Variants in GPC5 observed in about 807,000 individuals in gnomAD.
GPC5 encodes the protein glypican-5.
GPC5 carries 47 observed loss-of-function variants against 53.9 expected under a neutral mutation model. The ratio of observed to expected loss-of-function variants is 0.87; its 90% CI spans 0.69 to 1.11. The LOEUF (loss-of-function observed/expected upper bound fraction) is 1.11. Among genes scored for constraint, GPC5 ranks in the 50% most tolerant of loss-of-function variants. The pLI is 0.00. For synonymous variants in GPC5, 286 were observed against 263.3 expected (o/e 1.09, Z -0.84); for missense variants, 748 against 713.1 (o/e 1.05, Z -0.56).
In GPC5 at chr13:91,622,067, A is replaced by G. The variant is rs576011762; in HGVS notation, c.326-71120A>G. Among the ~76,000 whole-genome samples, 4 of 152,122 alleles carry G rather than the reference A, an allele frequency of 2.6e-5. No homozygotes were observed. In the South Asian group the frequency reaches 8.3e-4, roughly 32 times the overall value. On this transcript the variant is annotated intron_variant, in intron 2 of 7. Coordinates refer to ENST00000377067, the MANE Select transcript of GPC5 (RefSeq NM_004466.6). ...AAAGATGAAGGCTGGAAGGCTCAGCAAGTCTGCCCTTCCATCTTCTCTTGC... is the reference window on the plus strand; with the variant it reads ...AAAGATGAAGGCTGGAAGGCTCAGCGAGTCTGCCCTTCCATCTTCTCTTGC...
intron 6 of GPC5, among the ~76,000 whole-genome samples, chr13:92,140,830 A>G (rs950872803): frequency 1.3e-5 from 2 of 152,188 alleles, no homozygotes; most frequent in Non-Finnish European, 1.5e-5. Flanking sequence ...TAAGACAGAA[A>G]GTGGTAGAGT....
At chr13:91,521,588 A>G (rs748177800) in intron 2 of GPC5, among the ~76,000 whole-genome samples, 2 of 152,222 alleles carry the variant, frequency 1.3e-5, no homozygotes, top group Non-Finnish European at 2.9e-5. Context: ...TCTGACAAAC[A>G]TGTTCTAAAC....
chr13:92,518,486 G>C (rs545444782), intron 7 of GPC5, among the ~76,000 whole-genome samples: 12 of 152,240 alleles, frequency 7.9e-5, no homozygotes, highest in African/African-American at 2.9e-4. Flanking sequence ...CATTCTTAAA[G>C]AAAAGAATTT....
chr13:92,701,971 G>A (rs931171798), intron 7 of GPC5, among the ~76,000 whole-genome samples: 2 of 152,078 alleles, frequency 1.3e-5, no homozygotes, highest in African/African-American at 4.8e-5. Flanking sequence ...TAAATGATAA[G>A]CTCTTCCAGA....
At chr13:92,592,820 A>C (rs1883755687) in intron 7 of GPC5, among the ~76,000 whole-genome samples, 1 of 151,254 alleles carries the variant, frequency 6.6e-6, no homozygotes. Context: ...GGCCTGTGTG[A>C]CAGCTCCTTG....
intron 7 of GPC5, among the ~76,000 whole-genome samples, chr13:92,758,528 T>TG (rs1205141762): frequency 6.6e-6 from 1 of 152,110 alleles, no homozygotes; most frequent in Non-Finnish European, 1.5e-5. Flanking sequence ...AAAAAATGTG[T>TG]GATTACTATT....
At chr13:91,846,734 C>T (rs1381716843) in intron 5 of GPC5, among the ~76,000 whole-genome samples, 1 of 152,132 alleles carries the variant, frequency 6.6e-6, no homozygotes, top group Non-Finnish European at 1.5e-5. Context: ...CATTTTCTTT[C>T]ATCAGATTGG....
chr13:92,650,714 A>C (rs17267257), intron 7 of GPC5, among the ~76,000 whole-genome samples: 37,959 of 152,058 alleles, frequency 0.25, 5,554 homozygotes, highest in South Asian at 0.39. Flanking sequence ...TAATGGACTT[A>C]AAAAAAGACA....
chr13:92,041,707 T>C (rs1377261230), intron 6 of GPC5, among the ~76,000 whole-genome samples: 1 of 152,186 alleles, frequency 6.6e-6, no homozygotes, highest in African/African-American at 2.4e-5. Flanking sequence ...TCCACTGCTA[T>C]GGTGCTAGCA....
intron 7 of GPC5, among the ~76,000 whole-genome samples, chr13:92,154,703 G>T (rs1348066199): frequency 6.6e-6 from 1 of 152,066 alleles, no homozygotes; most frequent in African/African-American, 2.4e-5. Flanking sequence ...TTGCCATCTG[G>T]TATACTTAGA....
chr13:92,674,414 AGC>A (rs1886860141), intron 7 of GPC5, among the ~76,000 whole-genome samples: 1 of 152,190 alleles, frequency 6.6e-6, no homozygotes, highest in Non-Finnish European at 1.5e-5. Context: ...TTTACTTAAA[AGC>A]AGACAAAATT....
At chr13:91,534,810 A>G (rs1254225937) in intron 2 of GPC5, among the ~76,000 whole-genome samples, 2 of 151,882 alleles carry the variant, frequency 1.3e-5, no homozygotes, top group Non-Finnish European at 2.9e-5. Flanking sequence ...TTTGTTTTGT[A>G]CATAGCCCAG....
At chr13:92,750,179 TA>T (rs1889345174) in intron 7 of GPC5, among the ~76,000 whole-genome samples, 1 of 152,094 alleles carries the variant, frequency 6.6e-6, no homozygotes, top group Non-Finnish European at 1.5e-5. Context: ...TGAGAAGTCA[TA>T]AAAGGTAGAG....
intron 7 of GPC5, among the ~76,000 whole-genome samples, chr13:92,440,226 G>A (rs1180599822): frequency 1.3e-5 from 2 of 152,250 alleles, no homozygotes; most frequent in South Asian, 2.1e-4. Flanking sequence ...GTACCCAATA[G>A]GTAGTTTTTC....
chr13:91,763,435 G>A (rs75348038), intron 5 of GPC5, among the ~76,000 whole-genome samples: 3,967 of 152,240 alleles, frequency 0.026, 170 homozygotes, highest in African/African-American at 0.089. Context: ...ACTGGAATGA[G>A]GAGTAGATCC....
chr13:92,331,048 A>T lies in GPC5; in HGVS notation c.1561+186059A>T, dbSNP rs60627353. Reference sequence around the variant, plus strand: ...CATCATTTCAAATTCATCTTAGGGAATTTAACAAGAAAAGGTCTAAATAGA... The same window carrying T: ...CATCATTTCAAATTCATCTTAGGGATTTTAACAAGAAAAGGTCTAAATAGA... On this transcript the variant is annotated intron_variant, in intron 7 of 7. Coordinates refer to ENST00000377067, the MANE Select transcript of GPC5 (RefSeq NM_004466.6). Among the ~76,000 whole-genome samples, 458 of 152,326 alleles carry T rather than the reference A, an allele frequency of 3.0e-3. 3 individuals are homozygous for T. The highest frequency in any genetic ancestry group is 0.01 in the African/African-American group (429 of 41,580).
intron 7 of GPC5, among the ~76,000 whole-genome samples, chr13:92,387,527 C>G (rs905270947): frequency 6.6e-6 from 1 of 152,040 alleles, no homozygotes; most frequent in African/African-American, 2.4e-5. Context: ...AGAGTAGTTG[C>G]TTTCCGACTT....
intron 5 of GPC5, among the ~76,000 whole-genome samples, chr13:91,762,353 T>G (rs1340483481): frequency 2.0e-5 from 3 of 152,046 alleles, no homozygotes; most frequent in African/African-American, 7.2e-5. Context: ...GAAAGCCACT[T>G]CAATTTCAAT....
At chr13:92,738,574 G>A (rs1889001233) in intron 7 of GPC5, among the ~76,000 whole-genome samples, 1 of 152,048 alleles carries the variant, frequency 6.6e-6, no homozygotes. Flanking sequence ...GAATAATAAT[G>A]TTTAACGTAA....
Sources: gnomAD v4.1 joint callset for allele counts (sites outside exome capture counted in the v4.1 genomes callset) on GRCh38, gnomAD v4.1.1 for gene constraint, MANE v1.5 for transcripts, NCBI Gene and HGNC (gene_info 2026-07-23, HGNC 2026-07-21) for gene names.